Variants in PDE1B observed in about 807,000 individuals in gnomAD.
The protein encoded by PDE1B is phosphodiesterase 1B.
PDE1B carries 13 observed loss-of-function variants against 66.7 expected under a neutral mutation model. The ratio of observed to expected loss-of-function variants is 0.19; its 90% CI spans 0.13 to 0.31. PDE1B has a LOEUF of 0.31. Ranked by LOEUF, PDE1B falls within the 10% of genes least tolerant of loss-of-function variation. The pLI, the probability that PDE1B is intolerant of heterozygous loss-of-function variation, is 1.00. For synonymous variants in PDE1B, 230 were observed against 253.9 expected, an observed-to-expected ratio of 0.91 and a Z score of 0.90; for missense variants, 485 against 682.3, an observed-to-expected ratio of 0.71 and a Z score of 3.22.
At chr12:54,568,638 A>T (rs1405818441) in intron 3 of PDE1B, among the ~76,000 whole-genome samples, 1 of 152,162 alleles carries the variant, frequency 6.6e-6, no homozygotes, top group Admixed American at 6.5e-5. Context: ...TGAGGTCAGG[A>T]ATTCAAGACC....
chr12:54,561,386 G>A (rs1277594595), intron 2 of PDE1B: 3 of 1,078,320 alleles, frequency 2.8e-6, no homozygotes, highest in East Asian at 3.2e-5. Flanking sequence ...CCCAGTTCCG[G>A]TAGGCTGGGT....
At chr12:54,555,439 C>T (rs1957331250) in intron 2 of PDE1B, among the ~76,000 whole-genome samples, 1 of 152,082 alleles carries the variant, frequency 6.6e-6, no homozygotes, top group South Asian at 2.1e-4. Flanking sequence ...TTGCATTTGC[C>T]ACCTTTGCCC....
intron 2 of PDE1B, among the ~76,000 whole-genome samples, chr12:54,562,740 A>AG (rs1339510030): frequency 6.6e-6 from 1 of 152,136 alleles, no homozygotes; most frequent in South Asian, 2.1e-4. Context: ...TGACTTCAGG[A>AG]GGTTGCAGTT....
chr12:54,562,599 A>T lies in PDE1B; in HGVS notation c.114-4375A>T, dbSNP rs945320456. Among the ~76,000 whole-genome samples the T allele has an allele frequency of 3.9e-5, 6 of 152,188 alleles. 1 individual carries two copies. Among genetic ancestry groups the T allele is most frequent in the Admixed American group, 3.9e-4 (6 of 15,276 alleles). On this transcript the variant is annotated intron_variant, in intron 2 of 15. Coordinates refer to ENST00000243052, the MANE Select transcript of PDE1B (RefSeq NM_000924.4). ...AAACTGATGTTGGTGGGATAGAAGG[A>T]CTTCCTGCAGAAGAACAGTGAGGTG... is the stretch of plus-strand genomic sequence containing the variant.
intron 7 of PDE1B, 43 bp downstream of exon 7, chr12:54,572,784 G>A: frequency 6.3e-7 from 1 of 1,597,312 alleles, no homozygotes; most frequent in Admixed American, 1.7e-5. Context: ...CAGGGCCTAT[G>A]GCTACAGAAC....
At chr12:54,555,313 A>T (rs1957330043) in intron 2 of PDE1B, among the ~76,000 whole-genome samples, 1 of 152,214 alleles carries the variant, frequency 6.6e-6, no homozygotes, top group African/African-American at 2.4e-5. Flanking sequence ...ATCATCAGTT[A>T]TACCACATCC....
Position 54,577,853 on chromosome 12 carries a change from TC to T in PDE1B, c.*18-3del, listed in dbSNP as rs1014649456. 1.7e-5 allele frequency: 5 copies of T among 287,752 alleles called. No individual in the cohort carries two copies. Among genetic ancestry groups the T allele is most frequent in the Admixed American group, 1.5e-4 (3 of 20,612 alleles). 17.8% of individuals were successfully genotyped at this position (287,752 alleles called of 1,614,324 possible). A position where few individuals can be genotyped will look rare whatever the true frequency, so the allele number is the denominator to read the frequency against. On this transcript the variant is annotated splice_region_variant and splice_polypyrimidine_tract_variant and intron_variant, in intron 15 of 15. Coordinates refer to ENST00000243052, the MANE Select transcript of PDE1B (RefSeq NM_000924.4). ...CAGGGCACTGAAGTTTCTCCCTCTTTCCCCAGGTCTTCATTGAGTCCAAAGT... is the reference window on the plus strand; with the variant it reads ...CAGGGCACTGAAGTTTCTCCCTCTTTCCCAGGTCTTCATTGAGTCCAAAGT...
intron 10 of PDE1B, chr12:54,574,563 C>T (rs1957694613): frequency 6.6e-6 from 1 of 152,420 alleles, no homozygotes; most frequent in Non-Finnish European, 1.5e-5. Flanking sequence ...TGAACCCAGG[C>T]CCTTTGATTC....
At chr12:54,560,603 G>T (rs1286411684) in intron 2 of PDE1B, among the ~76,000 whole-genome samples, 2 of 152,152 alleles carry the variant, frequency 1.3e-5, no homozygotes, top group African/African-American at 4.8e-5. Flanking sequence ...GGCGGGCTGG[G>T]ACTGTGTGCG....
intron 13 of PDE1B, 41 bp from the exon 14 acceptor site, chr12:54,576,530 T>C (rs185820113): frequency 6.2e-7 from 1 of 1,613,228 alleles, no homozygotes; most frequent in African/African-American, 1.3e-5. Context: ...TGGAGTGGGC[T>C]GGGGCTTACC....
rs1199882606 is a variant in PDE1B, at chr12:54,579,157, G to A, written c.*1315G>A. 2 of 706,764 alleles carry A rather than the reference G, an allele frequency of 2.8e-6. No homozygotes were observed. Among genetic ancestry groups the A allele is most frequent in the African/African-American group, 2.0e-5 (1 of 51,196 alleles). The allele number at this position is 706,764 out of a possible 1,614,324, so 43.8% of individuals were successfully genotyped here. On this transcript the variant is annotated 3_prime_UTR_variant, in exon 16 of 16. Transcript: ENST00000243052. ...TCCACCCTACCCCACCCCGAGAAGG[G>A]CAGAGACGCATGTGACTCACCCCTG...
chr12:54,572,830 C>A, intron 7 of PDE1B, 89 bp downstream of exon 7: 1 of 1,336,036 alleles, frequency 7.5e-7, no homozygotes, highest in South Asian at 1.3e-5. Flanking sequence ...TTCCATTTCT[C>A]CTCGTTGGTT....
intron 13 of PDE1B, chr12:54,576,351 G>A: frequency 1.6e-6 from 1 of 619,914 alleles, no homozygotes; most frequent in Non-Finnish European, 2.8e-6. Context: ...GGCTAATCTT[G>A]TTTTAATTTT....
At chr12:54,576,751 T>C in intron 14 of PDE1B, 50 bp downstream of exon 14, 3 of 1,555,400 alleles carry the variant, frequency 1.9e-6, no homozygotes, top group Non-Finnish European at 2.6e-6. Context: ...GGGTGGATCA[T>C]GGAGCACTAG....
In PDE1B at chr12:54,576,080, C is replaced by A; in HGVS notation, c.1356C>A (p.Ser452=). The stretch of plus-strand genomic sequence containing the variant: ...TTCAGCCCCTGGCGGATGAGGACTC[C>A]AAGTCTAAAAACCAGCCCAGGTGAG... The part of the protein sequence containing the change: ...KSVQPLADED[S]KSKNQPSFQW... The change falls in exon 13 of 16, where the codon TCC becomes TCA. Residue 452 remains serine (S), a synonymous_variant. Transcript: ENST00000243052. 1 of 1,611,438 alleles carries A rather than the reference C, an allele frequency of 6.2e-7. No individual in the cohort carries two copies. The highest frequency in any genetic ancestry group is 8.5e-7 in the Non-Finnish European group (1 of 1,177,558).
rs1159034433 is a variant in PDE1B at position 54,575,619 on chromosome 12, A to G, written c.1254A>G (p.Ala418=). Residue 418 remains alanine (A), a synonymous_variant, in exon 12 of 16, where the codon GCA becomes GCG. Coordinates refer to ENST00000243052, the MANE Select transcript of PDE1B (RefSeq NM_000924.4). The surrounding 1 kb of genome is among the most constrained non-coding windows in gnomAD (Gnocchi z 4.0). Reference sequence around the variant, plus strand: ...GTGACCGCACTTCCACTCTAGTGGCACAGTCTCAGATAGGTGAGTGTCCTC... The same window carrying G: ...GTGACCGCACTTCCACTCTAGTGGCGCAGTCTCAGATAGGTGAGTGTCCTC... The part of the protein sequence containing the change: ...PLCDRTSTLV[A]QSQIGFIDFI... The G allele has an allele frequency of 2.5e-6, 4 of 1,610,470 alleles. No homozygotes were observed. Among genetic ancestry groups the G allele is most frequent in the Admixed American group, 3.3e-5 (2 of 60,014 alleles).
Position 54,575,827 on chromosome 12 carries a change from G to C in PDE1B, c.1268-165G>C, listed in dbSNP as rs1957730910. 1.4e-6 allele frequency: 1 copy of C among 728,224 alleles called. No homozygotes were observed. The allele number at this position is 728,224 out of a possible 1,614,324, so 45.1% of individuals were successfully genotyped here. Reference sequence around the variant, plus strand: ...AGGAAGGAGCTCTCTGGGGCACCAAGACATCATCCCAAAGCCTGCCCTGCA... The same window carrying C: ...AGGAAGGAGCTCTCTGGGGCACCAACACATCATCCCAAAGCCTGCCCTGCA... On this transcript the variant is annotated intron_variant, in intron 12 of 15. Transcript: ENST00000243052. This position sits in a 1 kb window ranked among gnomAD's most constrained non-coding sequence, Gnocchi z 4.0.
intron 2 of PDE1B, among the ~76,000 whole-genome samples, chr12:54,566,464 G>A (rs1388293676): frequency 6.6e-6 from 1 of 152,222 alleles, no homozygotes; most frequent in East Asian, 1.9e-4. Context: ...GCACAGAGGG[G>A]CTGTGGACAC....
At position 54,573,301 on chromosome 12, in the gene PDE1B, G is replaced by T; in HGVS notation, c.836+53G>T. 6.2e-7 allele frequency: 1 copy of T among 1,613,738 alleles called. No homozygotes were observed. Among genetic ancestry groups the T allele is most frequent in the Non-Finnish European group, 8.5e-7 (1 of 1,179,644 alleles). ...GGAGGGGCCAAGAGGAGGTGGGGAG[G>T]TTGCCGGAGTCCCTCCTTACAGGGG... On this transcript the variant is annotated intron_variant, in intron 8 of 15. Coordinates refer to ENST00000243052, the MANE Select transcript of PDE1B (RefSeq NM_000924.4). This position sits in a 1 kb window ranked among gnomAD's most constrained non-coding sequence, Gnocchi z 5.2.
Sources: gnomAD v4.1 joint callset for allele counts (sites outside exome capture counted in the v4.1 genomes callset) on GRCh38, gnomAD v4.1.1 for gene constraint, Gnocchi (gnomAD v3.1) non-coding constraint, MANE v1.5 for transcripts, NCBI Gene and HGNC (gene_info 2026-07-23, HGNC 2026-07-21) for gene names.